The following MMD2 variants were observed in gnomAD, a reference collection of about 807,000 sequenced individuals.
The protein encoded by MMD2 is monocyte to macrophage differentiation factor 2.
Under a neutral mutation model 33.5 loss-of-function variants are expected in MMD2, and 30 were observed. The ratio of observed to expected loss-of-function variants is 0.90; its 90% CI spans 0.67 to 1.22. The LOEUF (loss-of-function observed/expected upper bound fraction) is 1.22, where lower values mean the gene tolerates loss of function less well. Ranked by LOEUF, MMD2 falls within the 50% of genes most tolerant of loss-of-function variation. The pLI is 0.00. For missense variants in MMD2, 364 were observed against 325.4 expected (o/e 1.12, Z -0.91); for synonymous variants, 129 against 123.0 (o/e 1.05, Z -0.32).
At chr7:4,920,135 C>A in intron 3 of MMD2, 36 bp downstream of exon 3, 1 of 1,547,106 alleles carries the variant, frequency 6.5e-7, no homozygotes, top group South Asian at 1.2e-5. Flanking sequence ...GCCCCGACCC[C>A]CTACCCGGCA....
chr7:4,952,643 T>C (rs1288430984), intron 1 of MMD2, among the ~76,000 whole-genome samples: 2 of 151,926 alleles, frequency 1.3e-5, no homozygotes, highest in South Asian at 2.1e-4. Context: ...ATGAACCCTA[T>C]TGTGAACTGC....
the MMD2 span, among the ~76,000 whole-genome samples, chr7:4,893,366 T>TTATTTATTTATG: frequency 1.3e-5 from 1 of 78,198 alleles, no homozygotes; most frequent in Non-Finnish European, 2.4e-5. Flanking sequence ...GTTATTTCTT[T>TTATTTATTTATG]TATTTATTTA....
chr7:4,935,327 G>C (rs1554272315), intron 1 of MMD2, among the ~76,000 whole-genome samples: 1 of 152,060 alleles, frequency 6.6e-6, no homozygotes, highest in Non-Finnish European at 1.5e-5. Flanking sequence ...ACTCCAGCCT[G>C]GGCCACAGAG....
At chr7:4,954,621 G>A (rs2175681) in intron 1 of MMD2, among the ~76,000 whole-genome samples, 1,579 of 152,040 alleles carry the variant, frequency 0.01, 29 homozygotes, top group African/African-American at 0.036. Flanking sequence ...GTTTCACCAT[G>A]TTGCCCAAGC....
chr7:4,950,377 C>T (rs1186480730), intron 1 of MMD2, among the ~76,000 whole-genome samples: 4 of 152,166 alleles, frequency 2.6e-5, no homozygotes, highest in Admixed American at 2.6e-4. Flanking sequence ...GGATTACAGG[C>T]GTGAGCCACT....
intron 1 of MMD2, among the ~76,000 whole-genome samples, chr7:4,957,425 G>A (rs959471709): frequency 1.3e-5 from 2 of 151,814 alleles, no homozygotes; most frequent in Admixed American, 6.6e-5. Flanking sequence ...GAGGCGGGGG[G>A]ATCACGACGT....
At position 4,920,238 on chromosome 7, in the gene MMD2, C is replaced by T. The variant is rs765911306; in HGVS notation, c.223G>A (p.Gly75Ser). The T allele has an allele frequency of 3.5e-5, 55 of 1,593,554 alleles. No individual in the cohort carries two copies. Among genetic ancestry groups the T allele is most frequent in the Non-Finnish European group, 4.5e-5 (53 of 1,170,848 alleles). Residue 75 changes from glycine (G) to serine (S), a missense_variant, in exon 3 of 7, where the codon GGC (glycine) becomes AGC (serine). Transcript: ENST00000401401. ...ETISAWIYGLGLCGLFVVSTV... is the reference protein window; with the variant it reads ...ETISAWIYGLSLCGLFVVSTV... ...GACACCACGAAGAGGCCGCAGAGGC[C>T]GAGGCCGTAGATCCAGGCAGAGATG... is the stretch of plus-strand genomic sequence containing the variant.
At chr7:4,917,629 T>C (rs1419489355) in intron 3 of MMD2, among the ~76,000 whole-genome samples, 8 of 151,640 alleles carry the variant, frequency 5.3e-5, no homozygotes, top group Non-Finnish European at 1.2e-4. Context: ...GAGGCGGAGC[T>C]TGCAGTGAGC....
In MMD2 at chr7:4,909,619, T is replaced by C. The variant is rs1368556086; in HGVS notation, c.537+262A>G. On this transcript the variant is annotated intron_variant, in intron 6 of 6. Transcript: ENST00000401401. ...CACATCTGGCTAATTTTTTTTTTTT[T>C]AGAGATGGGTCTTGCTATGTTGCCC... is the stretch of plus-strand genomic sequence containing the variant. 6 of 637,928 alleles carry C rather than the reference T, an allele frequency of 9.4e-6. No homozygotes were observed. In the East Asian group the frequency reaches 1.7e-4, roughly 18 times the overall value. 39.5% of individuals were successfully genotyped at this position (637,928 alleles called of 1,614,324 possible). A position where few individuals can be genotyped will look rare whatever the true frequency, so the allele number is the denominator to read the frequency against.
intron 2 of MMD2, among the ~76,000 whole-genome samples, chr7:4,922,309 C>A (rs1182931589): frequency 6.6e-6 from 1 of 152,018 alleles, no homozygotes; most frequent in Non-Finnish European, 1.5e-5. Flanking sequence ...GTGGCTCATG[C>A]CTGTAATCCC....
chr7:4,928,337 T>A (rs915429060), intron 1 of MMD2, among the ~76,000 whole-genome samples: 1 of 152,142 alleles, frequency 6.6e-6, no homozygotes, highest in African/African-American at 2.4e-5. Context: ...ATGGAGCATT[T>A]ATTCAGCATC....
At chr7:4,911,323 C>T (rs1203307318) in intron 4 of MMD2, 77 bp from the exon 5 acceptor site, 1 of 1,206,442 alleles carries the variant, frequency 8.3e-7, no homozygotes, top group East Asian at 2.6e-5. Flanking sequence ...CGGCCTGTCA[C>T]AGGAAATGGA....
At chr7:4,904,417 T>C (rs936507603), downstream of MMD2, among the ~76,000 whole-genome samples, 4 of 152,186 alleles carry the variant, frequency 2.6e-5, no homozygotes, top group African/African-American at 9.7e-5. Context: ...TCCAGAATGA[T>C]GCTGGGGAAG....
chr7:4,919,473 G>A (rs1355007709), intron 3 of MMD2, among the ~76,000 whole-genome samples: 3 of 150,460 alleles, frequency 2.0e-5, no homozygotes, highest in Non-Finnish European at 3.0e-5. Context: ...AGGCGGCTGA[G>A]GCAGGAGGTG....
At chr7:4,909,016 A>G (rs943380104) in intron 6 of MMD2, among the ~76,000 whole-genome samples, 2 of 152,164 alleles carry the variant, frequency 1.3e-5, no homozygotes, top group African/African-American at 4.8e-5. Context: ...CTACCACTGA[A>G]CTGAATATTT....
intron 2 of MMD2, among the ~76,000 whole-genome samples, chr7:4,921,463 T>TA (rs1375615425): frequency 1.3e-5 from 2 of 150,806 alleles, no homozygotes; most frequent in Non-Finnish European, 3.0e-5. Flanking sequence ...AACTGAAAAA[T>TA]ACAAAAAATT....
chr7:4,958,784 C>G (rs764718388), intron 1 of MMD2, among the ~76,000 whole-genome samples, 187 bp downstream of exon 1: 6 of 152,108 alleles, frequency 3.9e-5, no homozygotes, highest in Non-Finnish European at 7.4e-5. Context: ...GCGGGCGCCC[C>G]GGTTACTCCA....
chr7:4,909,633 G>C (rs1380023730), intron 6 of MMD2: 12 of 678,148 alleles, frequency 1.8e-5, no homozygotes, highest in Non-Finnish European at 3.2e-5. Flanking sequence ...GATGGGTCTT[G>C]CTATGTTGCC....
intron 1 of MMD2, among the ~76,000 whole-genome samples, chr7:4,958,064 C>T (rs972562565): frequency 6.6e-6 from 1 of 152,178 alleles, no homozygotes; most frequent in Non-Finnish European, 1.5e-5. Flanking sequence ...CCAGGCCCCT[C>T]TGTTCACGAA....
Sources: gnomAD v4.1 joint callset for allele counts (sites outside exome capture counted in the v4.1 genomes callset) on GRCh38, gnomAD v4.1.1 for gene constraint, MANE v1.5 for transcripts, NCBI Gene and HGNC (gene_info 2026-07-23, HGNC 2026-07-21) for gene names.